Variants in ADCY2 observed in about 807,000 individuals in gnomAD.
The protein encoded by ADCY2 is adenylate cyclase type 2.
Under a neutral mutation model 125.2 loss-of-function variants are expected in ADCY2, and 31 were observed. The ratio of observed to expected loss-of-function variants is 0.25; its 90% CI spans 0.19 to 0.33. ADCY2 has a LOEUF of 0.33. Among genes scored for constraint, ADCY2 ranks in the 10% least tolerant of loss-of-function variants. The pLI is 1.00. For missense variants in ADCY2, 904 were observed against 1,418.2 expected, an observed-to-expected ratio of 0.64 and a Z score of 5.82; for synonymous variants, 512 against 548.4, an observed-to-expected ratio of 0.93 and a Z score of 0.93.
At chr5:7,598,580 A>G (rs1049625843) in intron 3 of ADCY2, among the ~76,000 whole-genome samples, 8 of 152,280 alleles carry the variant, frequency 5.3e-5, no homozygotes, top group Non-Finnish European at 1.0e-4. Flanking sequence ...TACATAGGGT[A>G]GTTGGAGGCC....
chr5:7,538,984 C>T (rs970635715), intron 3 of ADCY2, among the ~76,000 whole-genome samples: 3 of 151,524 alleles, frequency 2.0e-5, no homozygotes, highest in African/African-American at 7.3e-5. Context: ...TTGCCTCAGC[C>T]TCCTGAGTAG....
At chr5:7,667,091 G>T (rs1011219334) in intron 4 of ADCY2, among the ~76,000 whole-genome samples, 1 of 152,128 alleles carries the variant, frequency 6.6e-6, no homozygotes, top group East Asian at 1.9e-4. Context: ...ACTCATGCTC[G>T]GGTAAATAAA....
intron 3 of ADCY2, among the ~76,000 whole-genome samples, chr5:7,591,807 G>A (rs1413821698): frequency 6.6e-6 from 1 of 152,122 alleles, no homozygotes; most frequent in Non-Finnish European, 1.5e-5. Context: ...TTTTTGCCAA[G>A]GACTAGTAAA....
At position 7,790,025 on chromosome 5, in the gene ADCY2, G is replaced by A. The variant is rs143316904; in HGVS notation, c.2628+225G>A. 1.4e-3 allele frequency among the ~76,000 whole-genome samples: 219 copies of A among 152,334 alleles called. 1 individual carries two copies. The highest frequency in any genetic ancestry group is 4.5e-3 in the African/African-American group (189 of 41,582). ...GTTAGAATGACCTCTAAAAGTCTGA[G>A]TCTGGAGGTGGATTCATTATTAGAG... On this transcript the variant is annotated intron_variant, in intron 20 of 24. Transcript: ENST00000338316.
chr5:7,456,518 C>G (rs1019071609), intron 2 of ADCY2, among the ~76,000 whole-genome samples: 4 of 152,174 alleles, frequency 2.6e-5, no homozygotes, highest in African/African-American at 9.7e-5. Context: ...AACATGAATA[C>G]TATCTGAAAT....
chr5:7,687,860 A>G (rs1437686344), intron 4 of ADCY2, among the ~76,000 whole-genome samples: 1 of 152,178 alleles, frequency 6.6e-6, no homozygotes, highest in Non-Finnish European at 1.5e-5. Context: ...TATTGAATCC[A>G]CCTACACACA....
At chr5:7,710,573 G>C (rs568590872) in intron 10 of ADCY2, among the ~76,000 whole-genome samples, 2 of 152,278 alleles carry the variant, frequency 1.3e-5, no homozygotes, top group African/African-American at 4.8e-5. Context: ...AAAGTCAGTG[G>C]CGCAAAGATG....
chr5:7,414,687 T>C lies in ADCY2; in HGVS notation c.325T>C (p.Phe109Leu). The C allele has an allele frequency of 6.2e-7, 1 of 1,614,016 alleles. No homozygotes were observed. Among genetic ancestry groups the C allele is most frequent in the Middle Eastern group, 1.6e-4 (1 of 6,062 alleles). ...ESVFKKLLRL[F>L]SLVIWICLVA... is the part of the protein sequence containing the mutation. ...TGTGTTTAAGAAGCTGCTGCGCCTC[T>C]TCTCGTTGGTGATATGGATATGCCT... Residue 109 changes from phenylalanine (F) to leucine (L), a missense_variant, in exon 2 of 25, where the codon TTC becomes CTC. Coordinates refer to ENST00000338316, the MANE Select transcript of ADCY2 (RefSeq NM_020546.3).
At chr5:7,626,441 G>T in intron 4 of ADCY2, 125 bp downstream of exon 4, 3 of 1,101,592 alleles carry the variant, frequency 2.7e-6, no homozygotes, top group Non-Finnish European at 3.8e-6. Context: ...GAAACCCTGG[G>T]CTCTGCACCT....
At chr5:7,468,938 G>T (rs2126452835) in intron 2 of ADCY2, among the ~76,000 whole-genome samples, 1 of 152,232 alleles carries the variant, frequency 6.6e-6, no homozygotes, top group South Asian at 2.1e-4. Context: ...TCATGCCAAA[G>T]CTATATCACT....
chr5:7,660,968 A>G (rs760582418), intron 4 of ADCY2, among the ~76,000 whole-genome samples: 1 of 152,166 alleles, frequency 6.6e-6, no homozygotes. Context: ...GTGTCCCAAC[A>G]CCAAGCAATG....
Position 7,829,223 on chromosome 5 carries a change from G to C in ADCY2, c.*2352G>C, listed in dbSNP as rs562807854. 6.5e-6 allele frequency: 1 copy of C among 152,758 alleles called. No individual in the cohort carries two copies. The highest frequency in any genetic ancestry group is 2.1e-4 in the South Asian group (1 of 4,824). The allele number at this position is 152,758 out of a possible 1,614,324, so 9.5% of individuals were successfully genotyped here. A position where few individuals can be genotyped will look rare whatever the true frequency, so the allele number is the denominator to read the frequency against. On this transcript the variant is annotated 3_prime_UTR_variant, in exon 25 of 25. Transcript: ENST00000338316. ...TTGAGATCCCCGGGGCTGGGGCCCA[G>C]CACAACTGCTGTTTAGTGAACAGGT... is the stretch of plus-strand genomic sequence containing the variant.
intron 3 of ADCY2, among the ~76,000 whole-genome samples, chr5:7,607,369 C>T (rs1041088115): frequency 1.3e-5 from 2 of 152,218 alleles, no homozygotes; most frequent in East Asian, 3.8e-4. Flanking sequence ...TCATCTGCTT[C>T]TTATCTGACA....
At chr5:7,536,293 A>G (rs909188546) in intron 3 of ADCY2, among the ~76,000 whole-genome samples, 6 of 152,136 alleles carry the variant, frequency 3.9e-5, no homozygotes. Flanking sequence ...ACACATTTCC[A>G]CCCTCAGACC....
At chr5:7,479,654 C>A (rs2126470296) in intron 2 of ADCY2, among the ~76,000 whole-genome samples, 1 of 151,556 alleles carries the variant, frequency 6.6e-6, no homozygotes, top group South Asian at 2.1e-4. Context: ...TTACTATAGT[C>A]ACCCTGTTGT....
At chr5:7,693,678 C>T (rs1039149431) in intron 5 of ADCY2, among the ~76,000 whole-genome samples, 2 of 152,166 alleles carry the variant, frequency 1.3e-5, no homozygotes, top group African/African-American at 4.8e-5. Flanking sequence ...CCGCCTTGGC[C>T]TCCCAAAGTG....
chr5:7,535,640 G>T (rs1290119508), intron 3 of ADCY2, among the ~76,000 whole-genome samples: 2 of 152,166 alleles, frequency 1.3e-5, no homozygotes, highest in African/African-American at 2.4e-5. Flanking sequence ...AGATGAGTCA[G>T]ATCCATACAT....
intron 3 of ADCY2, among the ~76,000 whole-genome samples, chr5:7,589,511 A>AGAAAAAGAAAG (rs1554022175): frequency 9.1e-6 from 1 of 110,368 alleles, no homozygotes; most frequent in South Asian, 3.3e-4. Context: ...AGAAAGAAAG[A>AGAAAAAGAAAG]AAAGAAAAGA....
intron 3 of ADCY2, among the ~76,000 whole-genome samples, chr5:7,565,670 A>G (rs1735868728): frequency 6.6e-6 from 1 of 152,194 alleles, no homozygotes; most frequent in Non-Finnish European, 1.5e-5. Flanking sequence ...ATGTGTCTAT[A>G]TAACAATGTA....
Sources: gnomAD v4.1 joint callset for allele counts (sites outside exome capture counted in the v4.1 genomes callset) on GRCh38, gnomAD v4.1.1 for gene constraint, MANE v1.5 for transcripts, NCBI Gene and HGNC (gene_info 2026-07-23, HGNC 2026-07-21) for gene names.